Variants in SH3GL2 observed in about 807,000 individuals in gnomAD.
SH3GL2 encodes SH3 domain containing GRB2 like 2, endophilin A1, also known as endophilin-A1.
A neutral mutation model predicts 46.0 loss-of-function variants in SH3GL2; 24 were observed. The observed-to-expected ratio is 0.52, with a 90% CI of 0.38 to 0.73. The LOEUF is 0.73. Ranked by LOEUF, SH3GL2 falls within the 30% of genes least tolerant of loss-of-function variation. SH3GL2 has a pLI of 0.00. For synonymous variants in SH3GL2, 196 were observed against 147.1 expected (o/e 1.33, Z -2.40); for missense variants, 413 against 424.2 (o/e 0.97, Z 0.23).
chr9:17,732,046 A>G (rs1822199486), intron 1 of SH3GL2, among the ~76,000 whole-genome samples: 1 of 152,148 alleles, frequency 6.6e-6, no homozygotes, highest in Non-Finnish European at 1.5e-5. Flanking sequence ...AACACATTTG[A>G]CTGTTGTGTC....
At chr9:17,785,934 A>T (rs1428814169) in intron 3 of SH3GL2, among the ~76,000 whole-genome samples, 1 of 152,176 alleles carries the variant, frequency 6.6e-6, no homozygotes, top group Admixed American at 6.5e-5. Flanking sequence ...GCAGGAATTT[A>T]CCATTGGTTC....
chr9:17,786,688 C>T (rs780017891), intron 4 of SH3GL2, among the ~76,000 whole-genome samples, 164 bp downstream of exon 4: 8 of 152,136 alleles, frequency 5.3e-5, no homozygotes, highest in South Asian at 2.1e-4. Flanking sequence ...TTATTTCATC[C>T]GCTCTAATGT....
intron 1 of SH3GL2, among the ~76,000 whole-genome samples, chr9:17,719,924 T>C (rs1224472487): frequency 6.6e-6 from 1 of 151,658 alleles, no homozygotes; most frequent in Non-Finnish European, 1.5e-5. Flanking sequence ...ATAAATTATA[T>C]ATTATTTTTG....
intron 1 of SH3GL2, among the ~76,000 whole-genome samples, chr9:17,713,815 A>G (rs1390898263): frequency 2.6e-5 from 4 of 151,714 alleles, no homozygotes; most frequent in African/African-American, 4.8e-5. Flanking sequence ...CCTGTCTTGT[A>G]TACGTTTCAT....
chr9:17,613,164 G>A (rs1818907726), intron 1 of SH3GL2, among the ~76,000 whole-genome samples: 1 of 152,158 alleles, frequency 6.6e-6, no homozygotes, highest in South Asian at 2.1e-4. Flanking sequence ...TTCTTAGTGT[G>A]ACCATTGCTT....
chr9:17,616,674 G>A (rs756219052), intron 1 of SH3GL2, among the ~76,000 whole-genome samples: 6 of 152,002 alleles, frequency 3.9e-5, no homozygotes, highest in Non-Finnish European at 7.4e-5. Flanking sequence ...ATTTTCTCCT[G>A]TATAATTTAA....
chr9:17,598,688 G>A (rs1321373343), intron 1 of SH3GL2, among the ~76,000 whole-genome samples: 3 of 152,120 alleles, frequency 2.0e-5, no homozygotes, highest in African/African-American at 7.2e-5. Context: ...CATTCACCAT[G>A]GTTTGTGATT....
At chr9:17,632,345 C>T (rs1208171013) in intron 1 of SH3GL2, among the ~76,000 whole-genome samples, 1 of 152,128 alleles carries the variant, frequency 6.6e-6, no homozygotes, top group Non-Finnish European at 1.5e-5. Context: ...TCCATCTTGG[C>T]CGACATAGCT....
intron 1 of SH3GL2, among the ~76,000 whole-genome samples, chr9:17,695,499 TC>T (rs1821179909): frequency 6.6e-6 from 1 of 152,120 alleles, no homozygotes; most frequent in African/African-American, 2.4e-5. Flanking sequence ...TCACATAATC[TC>T]AGGGGAACAA....
intron 3 of SH3GL2, among the ~76,000 whole-genome samples, chr9:17,781,968 G>T (rs756626192): frequency 6.6e-6 from 1 of 152,116 alleles, no homozygotes; most frequent in African/African-American, 2.4e-5. Flanking sequence ...TCTCCACCTG[G>T]ATAATAAGCT....
At chr9:17,603,972 A>G (rs757109813) in intron 1 of SH3GL2, among the ~76,000 whole-genome samples, 1 of 152,212 alleles carries the variant, frequency 6.6e-6, no homozygotes, top group Non-Finnish European at 1.5e-5. Flanking sequence ...TTTTACTACA[A>G]ATAAAAGTTA....
At chr9:17,655,857 C>T (rs1443425848) in intron 1 of SH3GL2, among the ~76,000 whole-genome samples, 2 of 152,218 alleles carry the variant, frequency 1.3e-5, no homozygotes, top group African/African-American at 2.4e-5. Flanking sequence ...CAGCCTGATG[C>T]ATTCCAAGAG....
chr9:17,767,988 A>G (rs1039554119), intron 3 of SH3GL2, among the ~76,000 whole-genome samples: 1 of 152,168 alleles, frequency 6.6e-6, no homozygotes, highest in Non-Finnish European at 1.5e-5. Flanking sequence ...AGTGATTTAG[A>G]CTTTTAAGTC....
chr9:17,760,074 C>G (rs1037865067), intron 2 of SH3GL2, among the ~76,000 whole-genome samples: 1 of 152,116 alleles, frequency 6.6e-6, no homozygotes, highest in Non-Finnish European at 1.5e-5. Context: ...CTGCACAACT[C>G]CAGGGGGCTA....
chr9:17,624,283 T>C (rs981466830), intron 1 of SH3GL2, among the ~76,000 whole-genome samples: 1 of 152,184 alleles, frequency 6.6e-6, no homozygotes, highest in African/African-American at 2.4e-5. Flanking sequence ...TTCCTGATTA[T>C]ATAATTATTG....
intron 2 of SH3GL2, among the ~76,000 whole-genome samples, chr9:17,751,483 T>C (rs566877123): frequency 0.015 from 1,468 of 98,204 alleles, 34 homozygotes; most frequent in African/African-American, 0.051. Context: ...TGTGTGCGTG[T>C]GTGTGTGTGT....
At chr9:17,675,682 C>T (rs187367367) in intron 1 of SH3GL2, among the ~76,000 whole-genome samples, 135 of 152,344 alleles carry the variant, frequency 8.9e-4, no homozygotes, top group African/African-American at 3.2e-3. Context: ...TGCAGTGGCT[C>T]ACGCCTGTAA....
intron 1 of SH3GL2, among the ~76,000 whole-genome samples, chr9:17,707,153 C>T (rs1426606972): frequency 6.6e-6 from 1 of 152,160 alleles, no homozygotes; most frequent in Middle Eastern, 3.4e-3. Flanking sequence ...CTGCAACACA[C>T]ACATGTTGTG....
At chr9:17,596,979 C>T (rs1818582500) in intron 1 of SH3GL2, among the ~76,000 whole-genome samples, 1 of 152,156 alleles carries the variant, frequency 6.6e-6, no homozygotes, top group African/African-American at 2.4e-5. Context: ...ATGGCAAGTG[C>T]TTCGACCTCT....
Sources: allele counts gnomAD v4.1 joint callset (sites outside exome capture counted in the v4.1 genomes callset), GRCh38; gene constraint gnomAD v4.1.1; transcripts MANE v1.5; gene names NCBI Gene and HGNC (gene_info 2026-07-23, HGNC 2026-07-21).